Variants in SYNPR observed in about 807,000 individuals in gnomAD.
SYNPR encodes the protein synaptoporin.
In SYNPR, 23 loss-of-function variants were observed where a neutral mutation model predicts 32.9. The ratio of observed to expected loss-of-function variants is 0.70; its 90% CI spans 0.50 to 0.99. SYNPR has a LOEUF of 0.99. SYNPR is among the 50% of genes least tolerant of loss of function. SYNPR has a pLI of 0.00. For missense variants in SYNPR, 318 were observed against 349.3 expected, an observed-to-expected ratio of 0.91 and a Z score of 0.71; for synonymous variants, 146 against 135.9, an observed-to-expected ratio of 1.07 and a Z score of -0.52.
At chr3:63,203,068 G>GTGTGTGTATATATATATATATATA in the SYNPR span, 38 of 108,518 alleles carry the variant, frequency 3.5e-4, no homozygotes, top group Admixed American at 1.4e-3. Flanking sequence ...ATATGTATGT[G>GTGTGTGTATATATATATATATATA]TATATATATA....
chr3:63,551,469 T>C (rs967167788), intron 3 of SYNPR, among the ~76,000 whole-genome samples: 3 of 152,194 alleles, frequency 2.0e-5, no homozygotes, highest in East Asian at 1.9e-4. Context: ...ATATGATAAC[T>C]CTATATTTAA....
chr3:63,382,645 C>T (rs558297974), intron 2 of SYNPR, among the ~76,000 whole-genome samples: 1 of 152,270 alleles, frequency 6.6e-6, no homozygotes, highest in South Asian at 2.1e-4. Context: ...GGGAACACAC[C>T]ACTGTGTCTA....
intron 2 of SYNPR, among the ~76,000 whole-genome samples, chr3:63,419,191 C>T (rs747325473): frequency 6.6e-6 from 1 of 152,134 alleles, no homozygotes; most frequent in Non-Finnish European, 1.5e-5. Flanking sequence ...GATGGCAAGC[C>T]CCCTGGATGT....
Position 63,385,486 on chromosome 3 carries a change from G to T in SYNPR, c.85-95346G>T, listed in dbSNP as rs768929529. Among the ~76,000 whole-genome samples the T allele has an allele frequency of 2.0e-5, 3 of 152,182 alleles. No homozygotes were observed. The South Asian group carries it at 6.2e-4, about 32-fold the overall frequency. Reference sequence around the variant, plus strand: ...TTTAAGTATGTGCTCCACAATTTGAGATTCACTGGCTTGAACTCTGAGCAT... The same window carrying T: ...TTTAAGTATGTGCTCCACAATTTGATATTCACTGGCTTGAACTCTGAGCAT... On this transcript the variant is annotated intron_variant, in intron 2 of 5. Coordinates refer to ENST00000478300, the MANE Select transcript of SYNPR (RefSeq NM_001130003.2).
chr3:63,465,511 A>C (rs2106663735), intron 2 of SYNPR, among the ~76,000 whole-genome samples: 1 of 152,032 alleles, frequency 6.6e-6, no homozygotes, highest in Non-Finnish European at 1.5e-5. Context: ...AGATTGCTTA[A>C]TAATCTGATC....
At chr3:63,272,433 C>T (rs1321610722) in intron 3 of SYNPR, among the ~76,000 whole-genome samples, 1 of 151,888 alleles carries the variant, frequency 6.6e-6, no homozygotes, top group East Asian at 1.9e-4. Context: ...CAAGATGCCT[C>T]CATTCTTTGG....
Position 63,369,582 on chromosome 3 carries a change from C to A in SYNPR, c.84+90840C>A, listed in dbSNP as rs527752126. 5.3e-5 allele frequency among the ~76,000 whole-genome samples: 8 copies of A among 152,274 alleles called. No individual in the cohort carries two copies. In the South Asian group the frequency reaches 1.7e-3, roughly 32 times the overall value. ...GTGTTTTCCCACTGGATGCACCAAT[C>A]CAATGCTTTAAAGTTTGGAACCTGG... On this transcript the variant is annotated intron_variant, in intron 2 of 5. Coordinates refer to ENST00000478300, the MANE Select transcript of SYNPR (RefSeq NM_001130003.2).
chr3:63,526,024 A>G (rs1454367408), intron 3 of SYNPR, among the ~76,000 whole-genome samples: 2 of 152,186 alleles, frequency 1.3e-5, no homozygotes, highest in African/African-American at 4.8e-5. Context: ...TAGAGAGCAC[A>G]TGGCAAGAGA....
intron 2 of SYNPR, among the ~76,000 whole-genome samples, chr3:63,448,613 A>AT (rs199553562): frequency 0.021 from 3,121 of 151,442 alleles, 59 homozygotes; most frequent in East Asian, 0.1. Context: ...GAGGAAAAAC[A>AT]TTTTTTTTTA....
intron 3 of SYNPR, among the ~76,000 whole-genome samples, chr3:63,523,711 G>T (rs1404446005): frequency 6.6e-6 from 1 of 152,102 alleles, no homozygotes; most frequent in African/African-American, 2.4e-5. Flanking sequence ...CTTTGCTAAG[G>T]TTGATTTTTG....
intron 3 of SYNPR, among the ~76,000 whole-genome samples, chr3:63,494,853 G>A (rs1176851139): frequency 6.6e-6 from 1 of 152,078 alleles, no homozygotes; most frequent in Non-Finnish European, 1.5e-5. Context: ...CAGCAATGAT[G>A]CCCTTGAGTT....
intron 2 of SYNPR, among the ~76,000 whole-genome samples, chr3:63,464,972 A>T (rs1241392992): frequency 6.6e-6 from 1 of 152,148 alleles, no homozygotes; most frequent in Non-Finnish European, 1.5e-5. Context: ...TGGGATACTT[A>T]TGTCTATGCT....
chr3:63,530,694 G>A (rs542368921), intron 3 of SYNPR, among the ~76,000 whole-genome samples: 2 of 152,174 alleles, frequency 1.3e-5, no homozygotes, highest in African/African-American at 2.4e-5. Context: ...GGCACTAATG[G>A]TCTGTGACCT....
At chr3:63,263,473 G>A (rs373241944) in intron 2 of SYNPR, among the ~76,000 whole-genome samples, 11 of 152,192 alleles carry the variant, frequency 7.2e-5, no homozygotes, top group Non-Finnish European at 1.3e-4. Context: ...ATAATGAACC[G>A]TTCTAAAACT....
At chr3:63,315,109 C>G (rs2087026769) in intron 2 of SYNPR, among the ~76,000 whole-genome samples, 1 of 151,904 alleles carries the variant, frequency 6.6e-6, no homozygotes, top group Admixed American at 6.6e-5. Context: ...TATTTTTATC[C>G]CAGTACCATG....
intron 2 of SYNPR, among the ~76,000 whole-genome samples, chr3:63,463,557 C>G (rs754205497): frequency 6.6e-6 from 1 of 152,140 alleles, no homozygotes; most frequent in Non-Finnish European, 1.5e-5. Context: ...GCTTCTCTGT[C>G]AGAGCAGAAG....
the SYNPR span, among the ~76,000 whole-genome samples, chr3:63,200,981 C>T: frequency 6.6e-6 from 1 of 152,074 alleles, no homozygotes; most frequent in South Asian, 2.1e-4. Context: ...TGTACCCAGG[C>T]AGTGCCATTC....
chr3:63,397,035 C>G lies in SYNPR; in HGVS notation c.85-83797C>G, dbSNP rs550474824. On this transcript the variant is annotated intron_variant, in intron 2 of 5. Transcript: ENST00000478300. Reference sequence around the variant, plus strand: ...AGGAGAATGGCGTGAACCCGGGAGGCGGAGCTTGCAGTGAGCCAAGATAGC... The same window carrying G: ...AGGAGAATGGCGTGAACCCGGGAGGGGGAGCTTGCAGTGAGCCAAGATAGC... Among the ~76,000 whole-genome samples the G allele has an allele frequency of 3.1e-3, 452 of 146,184 alleles. 5 individuals are homozygous for G. Among genetic ancestry groups the G allele is most frequent in the Non-Finnish European group, 4.4e-3 (293 of 67,318 alleles).
chr3:63,231,523 G>A (rs906369758), intron 1 of SYNPR, among the ~76,000 whole-genome samples: 3 of 152,116 alleles, frequency 2.0e-5, no homozygotes, highest in Non-Finnish European at 4.4e-5. Context: ...CTTAGTGACT[G>A]CCCCTTATTC....
Sources: gnomAD v4.1 joint callset for allele counts (sites outside exome capture counted in the v4.1 genomes callset) on GRCh38, gnomAD v4.1.1 for gene constraint, MANE v1.5 for transcripts, NCBI Gene and HGNC (gene_info 2026-07-23, HGNC 2026-07-21) for gene names.